Variants in HCN1 observed in about 807,000 individuals in gnomAD.
HCN1 encodes hyperpolarization activated cyclic nucleotide gated potassium channel 1.
In HCN1, 13 loss-of-function variants were observed where a neutral mutation model predicts 78.9. The ratio of observed to expected loss-of-function variants is 0.16; its 90% CI spans 0.11 to 0.26. The LOEUF (loss-of-function observed/expected upper bound fraction) is 0.26, where lower values mean the gene tolerates loss of function less well. Ranked by LOEUF, HCN1 falls within the 10% of genes least tolerant of loss-of-function variation. The probability of loss-of-function intolerance (pLI) is 1.00; values close to 1 mark genes in which losing one functional copy is unlikely to be tolerated. For missense variants in HCN1, 810 were observed against 1,154.3 expected (o/e 0.70, Z 4.32); for synonymous variants, 552 against 455.5 (o/e 1.21, Z -2.70).
At chr5:45,581,945 C>G (rs1468585642) in intron 2 of HCN1, among the ~76,000 whole-genome samples, 1 of 152,174 alleles carries the variant, frequency 6.6e-6, no homozygotes, top group Non-Finnish European at 1.5e-5. Flanking sequence ...AGTTTGAAGT[C>G]AGGTAGTGTG....
At chr5:45,547,812 G>A (rs757343900) in intron 2 of HCN1, among the ~76,000 whole-genome samples, 11 of 151,824 alleles carry the variant, frequency 7.2e-5, no homozygotes, top group Non-Finnish European at 1.0e-4. Flanking sequence ...GGATAGGTCA[G>A]AGAAAAGAGA....
chr5:45,309,753 C>T (rs1745813858), intron 5 of HCN1, among the ~76,000 whole-genome samples: 4 of 152,074 alleles, frequency 2.6e-5, no homozygotes, highest in Admixed American at 6.6e-5. Flanking sequence ...TGATGTGCTG[C>T]TGGATTCTGT....
At chr5:45,417,776 A>C (rs913666364) in intron 3 of HCN1, among the ~76,000 whole-genome samples, 1 of 150,290 alleles carries the variant, frequency 6.7e-6, no homozygotes, top group East Asian at 1.9e-4. Flanking sequence ...AAAAAAAAAA[A>C]ACAAGGTCAC....
intron 6 of HCN1, among the ~76,000 whole-genome samples, chr5:45,298,012 A>G (rs1043392657): frequency 4.6e-5 from 7 of 152,026 alleles, no homozygotes; most frequent in Non-Finnish European, 1.0e-4. Flanking sequence ...TTAGCATCAT[A>G]CTTAATGGTG....
intron 2 of HCN1, among the ~76,000 whole-genome samples, chr5:45,475,912 A>C (rs566143758): frequency 1.5e-4 from 23 of 152,162 alleles, no homozygotes; most frequent in Non-Finnish European, 2.6e-4. Context: ...AAGAATCAGC[A>C]TTTCCTAAAA....
At chr5:45,368,723 A>G (rs1021353459) in intron 4 of HCN1, among the ~76,000 whole-genome samples, 3 of 152,126 alleles carry the variant, frequency 2.0e-5, no homozygotes, top group African/African-American at 4.8e-5. Context: ...AGTGTTCTGC[A>G]TATCAGATGA....
chr5:45,621,084 C>G (rs188371616), intron 2 of HCN1, among the ~76,000 whole-genome samples: 20 of 152,226 alleles, frequency 1.3e-4, no homozygotes, highest in Admixed American at 6.5e-4. Context: ...TTTTCACCAG[C>G]CTTCTCAACT....
intron 2 of HCN1, among the ~76,000 whole-genome samples, chr5:45,569,057 C>T (rs974901382): frequency 1.3e-5 from 2 of 152,092 alleles, no homozygotes; most frequent in African/African-American, 4.8e-5. Flanking sequence ...TCCTGCCCTA[C>T]ACCCAGAGGG....
At chr5:45,292,123 A>T (rs1314860211) in intron 6 of HCN1, among the ~76,000 whole-genome samples, 2 of 152,010 alleles carry the variant, frequency 1.3e-5, no homozygotes, top group African/African-American at 4.8e-5. Context: ...CCATTCCTGA[A>T]ATAAATGAAC....
chr5:45,264,050 C>T (rs1744805179), intron 7 of HCN1, among the ~76,000 whole-genome samples: 1 of 152,202 alleles, frequency 6.6e-6, no homozygotes, highest in Non-Finnish European at 1.5e-5. Flanking sequence ...GCCTCGGCCT[C>T]CCAAAGTGCT....
intron 6 of HCN1, among the ~76,000 whole-genome samples, chr5:45,297,983 T>TG (rs1358430588): frequency 3.8e-5 from 4 of 105,816 alleles, no homozygotes; most frequent in Non-Finnish European, 7.3e-5. Context: ...TAAGAACATC[T>TG]GAAAAAAAAA....
At chr5:45,383,268 T>A (rs988270179) in intron 4 of HCN1, among the ~76,000 whole-genome samples, 17 of 152,214 alleles carry the variant, frequency 1.1e-4, no homozygotes, top group Non-Finnish European at 2.5e-4. Flanking sequence ...TGTTATAGAT[T>A]ACTAATTTGC....
At chr5:45,689,795 A>G (rs1739872308) in intron 1 of HCN1, among the ~76,000 whole-genome samples, 1 of 152,124 alleles carries the variant, frequency 6.6e-6, no homozygotes. Context: ...AAAGAGCATA[A>G]CAATATTATT....
At chr5:45,637,656 G>C (rs941139750) in intron 2 of HCN1, among the ~76,000 whole-genome samples, 1 of 151,556 alleles carries the variant, frequency 6.6e-6, no homozygotes, top group Non-Finnish European at 1.5e-5. Flanking sequence ...AATAAAATGA[G>C]ATGGATAATC....
intron 6 of HCN1, among the ~76,000 whole-genome samples, chr5:45,291,928 A>G (rs541467855): frequency 6.6e-6 from 1 of 152,074 alleles, no homozygotes; most frequent in Non-Finnish European, 1.5e-5. Context: ...TATTTTATGT[A>G]TACATTTGTT....
intron 3 of HCN1, among the ~76,000 whole-genome samples, chr5:45,432,507 A>T (rs894554927): frequency 6.6e-6 from 1 of 151,954 alleles, no homozygotes; most frequent in African/African-American, 2.4e-5. Context: ...TTGCTCTAGG[A>T]CTTCTAGTAC....
chr5:45,691,299 C>A (rs887776729), intron 1 of HCN1, among the ~76,000 whole-genome samples: 13 of 151,734 alleles, frequency 8.6e-5, no homozygotes, highest in Non-Finnish European at 1.5e-4. Context: ...TATAATCATA[C>A]CCCGAAGGAG....
At chr5:45,373,965 TTACA>T (rs1747508381) in intron 4 of HCN1, among the ~76,000 whole-genome samples, 1 of 91,978 alleles carries the variant, frequency 1.1e-5, no homozygotes, top group African/African-American at 4.1e-5. Context: ...ATATAATATA[TTACA>T]TACAGTAGAT....
intron 4 of HCN1, among the ~76,000 whole-genome samples, chr5:45,358,147 A>G (rs1314634139): frequency 6.6e-6 from 1 of 152,070 alleles, no homozygotes; most frequent in African/African-American, 2.4e-5. Context: ...TTTCCTTTTT[A>G]GCAACAGAAA....
Sources: allele counts gnomAD v4.1 joint callset (sites outside exome capture counted in the v4.1 genomes callset), GRCh38; gene constraint gnomAD v4.1.1; transcripts MANE v1.5; gene names NCBI Gene and HGNC (gene_info 2026-07-23, HGNC 2026-07-21).